The following ENDOD1 variants were observed in gnomAD, a reference collection of about 807,000 sequenced individuals.
The protein encoded by ENDOD1 is endonuclease domain containing 1, also known as endonuclease domain-containing 1 protein.
A neutral mutation model predicts 6.5 loss-of-function variants in ENDOD1; 9 were observed. The ratio of observed to expected loss-of-function variants is 1.39; its 90% CI spans 0.84 to 2.43. The LOEUF (loss-of-function observed/expected upper bound fraction) is 2.43, where lower values mean the gene tolerates loss of function less well. ENDOD1 is among the 30% of genes most tolerant of loss of function. ENDOD1 has a pLI of 0.00. For missense variants in ENDOD1, 648 were observed against 635.5 expected, an observed-to-expected ratio of 1.02 and a Z score of -0.21; for synonymous variants, 255 against 255.2, an observed-to-expected ratio of 1.00 and a Z score of 0.01.
chr11:95,126,455 G>A (rs151262299), intron 1 of ENDOD1, among the ~76,000 whole-genome samples: 8 of 152,248 alleles, frequency 5.3e-5, no homozygotes, highest in Non-Finnish European at 1.0e-4. Context: ...TGTGGGTAGG[G>A]AGGTACAAGG....
At chr11:95,125,433 G>A (rs1176335965) in intron 1 of ENDOD1, among the ~76,000 whole-genome samples, 1 of 151,800 alleles carries the variant, frequency 6.6e-6, no homozygotes, top group Non-Finnish European at 1.5e-5. Context: ...AAATGAATGA[G>A]CTTCTTTATT....
chr11:95,103,335 T>C (rs1459629677), intron 1 of ENDOD1, among the ~76,000 whole-genome samples: 2 of 152,208 alleles, frequency 1.3e-5, no homozygotes, highest in Non-Finnish European at 1.5e-5. Context: ...TCTTTTTATT[T>C]ATTTATTCAT....
intron 1 of ENDOD1, among the ~76,000 whole-genome samples, chr11:95,094,455 A>G (rs901820133): frequency 1.3e-5 from 2 of 152,186 alleles, no homozygotes; most frequent in African/African-American, 4.8e-5. Flanking sequence ...TCTGACAGTC[A>G]TAGGACAAGT....
rs1470612457 is a variant in ENDOD1, at chr11:95,128,773, G to A, written c.697G>A (p.Ala233Thr). 3.7e-6 allele frequency: 6 copies of A among 1,614,092 alleles called. No homozygotes were observed. The highest frequency in any genetic ancestry group is 2.2e-5 in the East Asian group (1 of 44,892). The change falls in exon 2 of 2, where the codon GCC (alanine) becomes ACC (threonine). Residue 233 changes from alanine to threonine, a missense_variant. Transcript: ENST00000278505. ...TTGTGCTGTCCCTGGAGGAGGCTGG[G>A]CCATGGGCTTTGTCAAGCACACCCG... The part of the protein sequence containing the change: ...ACCAVPGGGW[A>T]MGFVKHTRDS...
chr11:95,105,299 A>T (rs1859078978), intron 1 of ENDOD1, among the ~76,000 whole-genome samples: 1 of 152,262 alleles, frequency 6.6e-6, no homozygotes. Context: ...AAAATGGCAT[A>T]GTATTTGCCA....
At chr11:95,115,823 A>T in intron 1 of ENDOD1, among the ~76,000 whole-genome samples, 1 of 152,148 alleles carries the variant, frequency 6.6e-6, no homozygotes, top group East Asian at 1.9e-4. Flanking sequence ...CCATCCTTGC[A>T]TCCCGGGAAT....
chr11:95,128,742 A>G lies in ENDOD1; in HGVS notation c.666A>G (p.Ala222=). ...CAGTCCCTGAGTTTGTTTGGCTGGC[A>G]GCCTGTTGTGCTGTCCCTGGAGGAG... is the stretch of plus-strand genomic sequence containing the variant. ...KVAVPEFVWL[A]ACCAVPGGGW... is the part of the protein sequence containing the mutation. Residue 222 remains alanine, a synonymous_variant, in exon 2 of 2, where the codon GCA becomes GCG. Coordinates refer to ENST00000278505, the MANE Select transcript of ENDOD1 (RefSeq NM_015036.3). The G allele has an allele frequency of 1.9e-6, 3 of 1,614,232 alleles. No homozygotes were observed. In the South Asian group the frequency reaches 3.3e-5, roughly 18 times the overall value.
chr11:95,117,844 C>T (rs1555112624), intron 1 of ENDOD1, among the ~76,000 whole-genome samples: 1 of 152,048 alleles, frequency 6.6e-6, no homozygotes, highest in Non-Finnish European at 1.5e-5. Flanking sequence ...TCTTTCCTTT[C>T]TTCCTGTCTT....
At chr11:95,090,826 A>G (rs1004011941) in intron 1 of ENDOD1, among the ~76,000 whole-genome samples, 1 of 152,198 alleles carries the variant, frequency 6.6e-6, no homozygotes, top group Non-Finnish European at 1.5e-5. Flanking sequence ...TCCTAGCCTG[A>G]AAATCCTTCC....
chr11:95,110,469 G>A (rs1305185312), intron 1 of ENDOD1, among the ~76,000 whole-genome samples: 5 of 152,160 alleles, frequency 3.3e-5, no homozygotes, highest in African/African-American at 1.2e-4. Flanking sequence ...CTTTTGAGGA[G>A]CCTACAGTCT....
At position 95,129,583 on chromosome 11, in the gene ENDOD1, C is replaced by T. The variant is rs1275417906; in HGVS notation, c.*4C>T. On this transcript the variant is annotated 3_prime_UTR_variant, in exon 2 of 2. Transcript: ENST00000278505. ...TGACAATTCTGGGGAGTTATAAACT[C>T]AAAAAACTAATAGTATCCAGTCACA... 6.2e-7 allele frequency: 1 copy of T among 1,600,400 alleles called. No homozygotes were observed. The highest frequency in any genetic ancestry group is 1.1e-5 in the South Asian group (1 of 89,020).
Position 95,090,149 on chromosome 11 carries a change from C to T in ENDOD1, c.222C>T (p.Arg74=). ...RFATLYSTRD[R]IPVYSAFRAP... is the part of the protein sequence containing the mutation. Reference sequence around the variant, plus strand: ...CCACCCTCTACAGCACCCGGGACCGCATCCCCGTGTACTCCGCGTTCCGCG... The same window carrying T: ...CCACCCTCTACAGCACCCGGGACCGTATCCCCGTGTACTCCGCGTTCCGCG... Residue 74 remains arginine, a synonymous_variant, in exon 1 of 2, where the codon CGC becomes CGT. Transcript: ENST00000278505. The T allele has an allele frequency of 6.6e-7, 1 of 1,513,480 alleles. No homozygotes were observed. Among genetic ancestry groups the T allele is most frequent in the South Asian group, 1.2e-5 (1 of 80,386 alleles). 93.8% of individuals were successfully genotyped at this position (1,513,480 alleles called of 1,614,324 possible). A position where few individuals can be genotyped will look rare whatever the true frequency, so the allele number is the denominator to read the frequency against.
rs757643466 is a variant in ENDOD1 at position 95,128,800 on chromosome 11, G to C, written c.724G>C (p.Asp242His). The C allele has an allele frequency of 6.2e-7, 1 of 1,614,188 alleles. No individual in the cohort carries two copies. The highest frequency in any genetic ancestry group is 8.5e-7 in the Non-Finnish European group (1 of 1,180,044). ...WAMGFVKHTR[D>H]SDIIEDVMVK... ...CATGGGCTTTGTCAAGCACACCCGGGACAGTGACATCATAGAAGATGTGAT... is the reference window on the plus strand; with the variant it reads ...CATGGGCTTTGTCAAGCACACCCGGCACAGTGACATCATAGAAGATGTGAT... The change falls in exon 2 of 2, where the codon GAC (aspartate) becomes CAC (histidine). Residue 242 changes from aspartate to histidine, a missense_variant. Physicochemically the swap from Asp to His is moderately conservative, Grantham distance 81. Transcript: ENST00000278505.
chr11:95,125,698 G>T (rs998220223), intron 1 of ENDOD1, among the ~76,000 whole-genome samples: 16 of 151,362 alleles, frequency 1.1e-4, no homozygotes, highest in Non-Finnish European at 2.4e-4. Flanking sequence ...GTGGTATTTG[G>T]TTTTTTGTCC....
chr11:95,091,497 A>G (rs1167808273), intron 1 of ENDOD1, among the ~76,000 whole-genome samples: 2 of 152,212 alleles, frequency 1.3e-5, no homozygotes, highest in African/African-American at 4.8e-5. Context: ...ACACATTTAA[A>G]TCCAAAATTA....
chr11:95,123,411 A>T (rs778611561), intron 1 of ENDOD1, among the ~76,000 whole-genome samples: 33 of 152,024 alleles, frequency 2.2e-4, no homozygotes, highest in Admixed American at 5.9e-4. Flanking sequence ...TTAGTAAGAA[A>T]ACAGAATCAG....
At chr11:95,111,059 G>A (rs1188164624) in intron 1 of ENDOD1, among the ~76,000 whole-genome samples, 3 of 152,168 alleles carry the variant, frequency 2.0e-5, no homozygotes, top group Non-Finnish European at 4.4e-5. Context: ...AGCAGTGTTG[G>A]TACTGGCAGG....
chr11:95,120,980 G>T (rs965988487), intron 1 of ENDOD1, among the ~76,000 whole-genome samples: 5 of 152,144 alleles, frequency 3.3e-5, no homozygotes, highest in African/African-American at 9.7e-5. Flanking sequence ...CCTCGCAGTT[G>T]CTGTACTCCC....
intron 1 of ENDOD1, 66 bp downstream of exon 1, chr11:95,090,293 G>T: frequency 7.4e-7 from 1 of 1,347,296 alleles, no homozygotes; most frequent in Non-Finnish European, 9.5e-7. Context: ...CATGCCCCCA[G>T]TTGCAGCTAC....
Sources: gnomAD v4.1 joint callset for allele counts (sites outside exome capture counted in the v4.1 genomes callset) on GRCh38, gnomAD v4.1.1 for gene constraint, MANE v1.5 for transcripts, NCBI Gene and HGNC (gene_info 2026-07-23, HGNC 2026-07-21) for gene names.